MTX3: variants seen among roughly 807,000 people sequenced by gnomAD.
MTX3 encodes the protein metaxin 3, also known as metaxin-3.
In MTX3, 27 loss-of-function variants were observed where a neutral mutation model predicts 42.5. The ratio of observed to expected loss-of-function variants is 0.64; its 90% CI spans 0.47 to 0.88. The LOEUF (loss-of-function observed/expected upper bound fraction) is 0.88. Ranked by LOEUF, MTX3 falls within the 40% of genes least tolerant of loss-of-function variation. MTX3 has a pLI of 0.00. For synonymous variants in MTX3, 144 were observed against 132.9 expected (o/e 1.08, Z -0.57); for missense variants, 378 against 367.0 (o/e 1.03, Z -0.25).
At chr5:79,989,778 C>T (rs910604562) in intron 3 of MTX3, among the ~76,000 whole-genome samples, 1 of 152,098 alleles carries the variant, frequency 6.6e-6, no homozygotes, top group Non-Finnish European at 1.5e-5. Flanking sequence ...CTATTAAGAG[C>T]TTTTTAAAAA....
chr5:79,990,281 C>T (rs774699664), intron 2 of MTX3, 45 bp from the exon 3 acceptor site: 8 of 1,300,976 alleles, frequency 6.1e-6, no homozygotes, highest in African/African-American at 1.5e-5. Context: ...AGTGTGATTT[C>T]CTCTGAGAGA....
chr5:79,985,725 T>C (rs746642036), intron 7 of MTX3, 66 bp from the exon 8 acceptor site: 1 of 1,193,916 alleles, frequency 8.4e-7, no homozygotes, highest in African/African-American at 1.5e-5. Flanking sequence ...GCTATTTAGA[T>C]TGAAAGAATT....
In MTX3 at chr5:79,987,005, G is replaced by A. The variant is rs1314888107; in HGVS notation, c.684C>T (p.Asn228=). 2 of 1,613,996 alleles carry A rather than the reference G, an allele frequency of 1.2e-6. No homozygotes were observed. The highest frequency in any genetic ancestry group is 3.3e-5 in the Admixed American group (2 of 60,018). The change falls in exon 7 of 9, where the codon AAC becomes AAT. Residue 228 remains asparagine, a synonymous_variant. Coordinates refer to ENST00000512528, the MANE Select transcript of MTX3 (RefSeq NM_001363818.2). ...QLQEHLKQLS[N]LCRFCDDILS... ...GGATGTCATCACAAAAGCGACAGAG[G>A]TTGGAGAGCTGTTTCAGATGTTCTT...
rs1404652348 is a variant in MTX3 at position 79,982,790 on chromosome 5, T to G, written c.*894A>C. The G allele has an allele frequency of 5.2e-6, 1 of 192,090 alleles. No homozygotes were observed. Among genetic ancestry groups the G allele is most frequent in the Non-Finnish European group, 1.1e-5 (1 of 92,538 alleles). 11.9% of individuals were successfully genotyped at this position (192,090 alleles called of 1,614,324 possible). On this transcript the variant is annotated 3_prime_UTR_variant, in exon 9 of 9. Transcript: ENST00000512528. ...TAGAAAACTTGGACCAGATGCACAGTATTTCTACTACCCTGGCCATGGGCT... is the reference window on the plus strand; with the variant it reads ...TAGAAAACTTGGACCAGATGCACAGGATTTCTACTACCCTGGCCATGGGCT...
chr5:79,986,458 A>G (rs1831492007), intron 7 of MTX3, among the ~76,000 whole-genome samples: 1 of 152,148 alleles, frequency 6.6e-6, no homozygotes, highest in African/African-American at 2.4e-5. Flanking sequence ...GGTGCCCTCT[A>G]TTTACTATAC....
rs758474495 is a variant in MTX3 at position 79,983,704 on chromosome 5, A to G, written c.919T>C (p.Phe307Leu). The G allele has an allele frequency of 6.2e-7, 1 of 1,613,712 alleles. No homozygotes were observed. Among genetic ancestry groups the G allele is most frequent in the South Asian group, 1.1e-5 (1 of 91,070 alleles). The change falls in exon 9 of 9, where the codon TTC becomes CTC. Residue 307 changes from phenylalanine (F) to leucine (L), a missense_variant. Transcript: ENST00000512528. ...LTPAEEENNS[F>L]QRLSP ...TACTCTCAGGGCGAAAGCCGTTGGA[A>G]GGAATTATTTTCTTCTTCTGCTGGA...
Position 79,977,181 on chromosome 5 carries a change from A to G in MTX3, c.*6503T>C, listed in dbSNP as rs1831269534. On this transcript the variant is annotated 3_prime_UTR_variant, in exon 9 of 9. Transcript: ENST00000512528. ...ATAAAATTAAAAATCAAGTCAGAAG[A>G]GAAGTAAAACTCATTTTTATGCATT... The G allele has an allele frequency of 6.6e-6, 1 of 152,254 alleles. No individual in the cohort carries two copies. The highest frequency in any genetic ancestry group is 2.4e-5 in the African/African-American group (1 of 41,472). The allele number at this position is 152,254 out of a possible 1,614,324, so 9.4% of individuals were successfully genotyped here.
rs1831340009 is a variant in MTX3 at position 79,980,125 on chromosome 5, C to CT, written c.*3558dup. 6.6e-6 allele frequency: 1 copy of CT among 152,088 alleles called. No homozygotes were observed. 9.4% of individuals were successfully genotyped at this position (152,088 alleles called of 1,614,324 possible). A position where few individuals can be genotyped will look rare whatever the true frequency, so the allele number is the denominator to read the frequency against. On this transcript the variant is annotated 3_prime_UTR_variant, in exon 9 of 9. Coordinates refer to ENST00000512528, the MANE Select transcript of MTX3 (RefSeq NM_001363818.2). ...GAAGTTTTTGACAGTTGATGAAAAA[C>CT]TGTCAAAAAATTGTAACAAGCCTGG...
At chr5:79,985,797 T>C in intron 7 of MTX3, 138 bp from the exon 8 acceptor site, 2 of 599,750 alleles carry the variant, frequency 3.3e-6, no homozygotes, top group Non-Finnish European at 5.8e-6. Flanking sequence ...AGGAAAACCA[T>C]TCTGGGTTTA....
chr5:79,984,470 A>G (rs1831443728), intron 8 of MTX3, among the ~76,000 whole-genome samples: 1 of 152,226 alleles, frequency 6.6e-6, no homozygotes, highest in African/African-American at 2.4e-5. Context: ...AATGTAATCC[A>G]GTGGTTTTCC....
intron 1 of MTX3, 110 bp from the exon 2 acceptor site, chr5:79,990,773 G>A (rs1210418869): frequency 4.9e-6 from 4 of 822,148 alleles, no homozygotes; most frequent in Non-Finnish European, 8.3e-6. Flanking sequence ...GACTGATACT[G>A]AGGCCGCATC....
At position 79,983,489 on chromosome 5, in the gene MTX3, G is replaced by T; in HGVS notation, c.*195C>A. ...ACCAAGTTCATTTAGCATTCTCTTT[G>T]TTATTAAAAATGCAGTGCCAAGCTA... On this transcript the variant is annotated 3_prime_UTR_variant, in exon 9 of 9. Coordinates refer to ENST00000512528, the MANE Select transcript of MTX3 (RefSeq NM_001363818.2). 2 of 563,942 alleles carry T rather than the reference G, an allele frequency of 3.5e-6. No homozygotes were observed. The highest frequency in any genetic ancestry group is 3.2e-6 in the Non-Finnish European group (1 of 316,354). The allele number at this position is 563,942 out of a possible 1,614,324, so 34.9% of individuals were successfully genotyped here.
rs1490639202 is a variant in MTX3, at chr5:79,979,991, C to T, written c.*3693G>A. 1 of 152,074 alleles carries T rather than the reference C, an allele frequency of 6.6e-6. No homozygotes were observed. 9.4% of individuals were successfully genotyped at this position (152,074 alleles called of 1,614,324 possible). ...TTAAAACCACTTTTATTTTGAAATA[C>T]TTAAGACTCACAAGAAGTTATAAAA... is the stretch of plus-strand genomic sequence containing the variant. On this transcript the variant is annotated 3_prime_UTR_variant, in exon 9 of 9. Coordinates refer to ENST00000512528, the MANE Select transcript of MTX3 (RefSeq NM_001363818.2).
Position 79,987,058 on chromosome 5 carries a change from T to G in MTX3, c.631A>C (p.Lys211Gln). 3.7e-6 allele frequency: 6 copies of G among 1,613,970 alleles called. No homozygotes were observed. The highest frequency in any genetic ancestry group is 5.1e-6 in the Non-Finnish European group (6 of 1,179,868). ...YVFGFLAPLY[K>Q]VRFPKVQLQE... is the part of the protein sequence containing the mutation. ...AGCTGAACTTTAGGAAACCGTACTT[T>G]GTAAAGAGGTGCAAGAAAACCAAAA... Residue 211 changes from lysine to glutamine, a missense_variant, in exon 7 of 9, where the codon AAA (lysine) becomes CAA (glutamine). Transcript: ENST00000512528.
chr5:79,987,129 T>C lies in MTX3; in HGVS notation c.582-22A>G, dbSNP rs190060682. On this transcript the variant is annotated intron_variant, in intron 6 of 8. Coordinates refer to ENST00000512528, the MANE Select transcript of MTX3 (RefSeq NM_001363818.2). The stretch of plus-strand genomic sequence containing the variant: ...AGGCCTAGAAATAAATTAAGGATTT[T>C]TAAAGCACATAAGACAATATTAACT... The C allele has an allele frequency of 5.3e-4, 850 of 1,611,352 alleles. 4 individuals are homozygous for C. In the East Asian group the frequency reaches 0.015, roughly 28 times the overall value.
At chr5:79,983,923 T>A (rs550901127) in intron 8 of MTX3, 129 bp from the exon 9 acceptor site, 1 of 573,318 alleles carries the variant, frequency 1.7e-6, no homozygotes, top group South Asian at 2.6e-5. Context: ...TAGAGAAACC[T>A]TTTTCTTACA....
At chr5:79,986,823 G>A in intron 7 of MTX3, 127 bp downstream of exon 7, 3 of 814,008 alleles carry the variant, frequency 3.7e-6, no homozygotes, top group Non-Finnish European at 5.7e-6. Flanking sequence ...ACAAATCCTT[G>A]AAGTGCTATA....
rs987346209 is a variant in MTX3 at position 79,986,798 on chromosome 5, T to C, written c.739+152A>G. 38 of 655,364 alleles carry C rather than the reference T, an allele frequency of 5.8e-5. No homozygotes were observed. In the African/African-American group the frequency reaches 6.7e-4, roughly 12 times the overall value. 40.6% of individuals were successfully genotyped at this position (655,364 alleles called of 1,614,324 possible). ...ATAAGAACTAACATGAGAATAAAAA[T>C]GAAGTCGGAAAAACACAAATCCTTG... On this transcript the variant is annotated intron_variant, in intron 7 of 8. Transcript: ENST00000512528.
In MTX3 at chr5:79,977,733, A is replaced by T. The variant is rs1312131558; in HGVS notation, c.*5951T>A. The T allele has an allele frequency of 6.6e-6, 1 of 152,246 alleles. No homozygotes were observed. Among genetic ancestry groups the T allele is most frequent in the African/African-American group, 2.4e-5 (1 of 41,464 alleles). 9.4% of individuals were successfully genotyped at this position (152,246 alleles called of 1,614,324 possible). A position where few individuals can be genotyped will look rare whatever the true frequency, so the allele number is the denominator to read the frequency against. On this transcript the variant is annotated 3_prime_UTR_variant, in exon 9 of 9. Coordinates refer to ENST00000512528, the MANE Select transcript of MTX3 (RefSeq NM_001363818.2). ...TGCTTAGAATTTAGTGAAAACTATG[A>T]ACCGTAGACTGTCTTCGGTAATGAA...
Sources: gnomAD v4.1 joint callset for allele counts (sites outside exome capture counted in the v4.1 genomes callset) on GRCh38, gnomAD v4.1.1 for gene constraint, MANE v1.5 for transcripts, NCBI Gene and HGNC (gene_info 2026-07-23, HGNC 2026-07-21) for gene names.